TSNARE1: variants seen among roughly 807,000 people sequenced by gnomAD.
TSNARE1 encodes t-SNARE domain-containing protein 1.
Under a neutral mutation model 62.0 loss-of-function variants are expected in TSNARE1, and 49 were observed. The observed-to-expected ratio is 0.79, with a 90% CI of 0.63 to 1.00. The LOEUF is 1.00. Among genes scored for constraint, TSNARE1 ranks in the 50% least tolerant of loss-of-function variants. The pLI is 0.00. For synonymous variants in TSNARE1, 328 were observed against 294.4 expected, an observed-to-expected ratio of 1.11 and a Z score of -1.17; for missense variants, 755 against 700.1, an observed-to-expected ratio of 1.08 and a Z score of -0.88.
chr8:142,223,439 CTAAT>C (rs1333138731), intron 13 of TSNARE1, among the ~76,000 whole-genome samples: 16 of 20,720 alleles, frequency 7.7e-4, no homozygotes, highest in African/African-American at 1.9e-3. Context: ...CACTCACTCA[CTAAT>C]TCACTCATTC....
At chr8:142,255,760 A>ACTG (rs1818448189) in intron 12 of TSNARE1, among the ~76,000 whole-genome samples, 1 of 93,600 alleles carries the variant, frequency 1.1e-5, no homozygotes. Flanking sequence ...CACCACCACC[A>ACTG]TCACCATCAC....
At chr8:142,288,484 G>A (rs546901819) in intron 10 of TSNARE1, among the ~76,000 whole-genome samples, 4 of 152,340 alleles carry the variant, frequency 2.6e-5, no homozygotes, top group African/African-American at 4.8e-5. Flanking sequence ...TCTCATCGCC[G>A]ACACTCACTA....
At chr8:142,320,814 C>T (rs1175908774) in intron 6 of TSNARE1, among the ~76,000 whole-genome samples, 2 of 152,360 alleles carry the variant, frequency 1.3e-5, no homozygotes, top group African/African-American at 2.4e-5. Context: ...CTTTTCTCTG[C>T]TCCGCGCTGA....
intron 6 of TSNARE1, among the ~76,000 whole-genome samples, chr8:142,325,157 C>T (rs1208240640): frequency 2.6e-5 from 4 of 152,182 alleles, no homozygotes; most frequent in Admixed American, 2.0e-4. Context: ...CTGGACTGAG[C>T]GGGCCTGGAA....
At chr8:142,220,513 G>T (rs1259248581) in intron 13 of TSNARE1, among the ~76,000 whole-genome samples, 1 of 152,100 alleles carries the variant, frequency 6.6e-6, no homozygotes, top group Non-Finnish European at 1.5e-5. Context: ...CACCCTGAGG[G>T]CAGGGTCAGG....
chr8:142,357,796 TC>T (rs1412286806), intron 1 of TSNARE1, among the ~76,000 whole-genome samples: 1 of 151,796 alleles, frequency 6.6e-6, no homozygotes, highest in Non-Finnish European at 1.5e-5. Flanking sequence ...GGAAGAGAAC[TC>T]CCAGGGAGAG....
chr8:142,266,734 T>C (rs1023510203), intron 12 of TSNARE1, among the ~76,000 whole-genome samples: 2 of 152,202 alleles, frequency 1.3e-5, no homozygotes, highest in East Asian at 3.8e-4. Context: ...GTCTGTGGAA[T>C]CACACATCAC....
At chr8:142,299,574 G>A (rs927124439) in intron 10 of TSNARE1, among the ~76,000 whole-genome samples, 3 of 152,242 alleles carry the variant, frequency 2.0e-5, no homozygotes, top group Non-Finnish European at 2.9e-5. Flanking sequence ...GTACACTCAG[G>A]CATCAAGAGA....
At chr8:142,283,160 T>C (rs13275517) in intron 11 of TSNARE1, among the ~76,000 whole-genome samples, 71,355 of 122,310 alleles carry the variant, frequency 0.58, 18,979 homozygotes, top group African/African-American at 0.72. Flanking sequence ...TGAGCAGAGG[T>C]GGGGCCAGTG....
chr8:142,332,912 G>A (rs918206567), intron 4 of TSNARE1, among the ~76,000 whole-genome samples: 5 of 152,214 alleles, frequency 3.3e-5, no homozygotes, highest in South Asian at 2.1e-4. Flanking sequence ...GCCCACACCC[G>A]GAGAGAGGGC....
At chr8:142,394,151 C>T (rs905621387) in intron 1 of TSNARE1, among the ~76,000 whole-genome samples, 4 of 152,246 alleles carry the variant, frequency 2.6e-5, no homozygotes, top group African/African-American at 7.2e-5. Flanking sequence ...GTGGGCCCCA[C>T]GCTTATGCCT....
At chr8:142,366,820 G>A (rs912201630) in intron 1 of TSNARE1, among the ~76,000 whole-genome samples, 6 of 152,068 alleles carry the variant, frequency 3.9e-5, no homozygotes, top group Non-Finnish European at 7.4e-5. Flanking sequence ...AACAAAAAAA[G>A]AAATGAAACA....
chr8:142,294,534 T>C (rs562779010), intron 10 of TSNARE1, among the ~76,000 whole-genome samples: 250 of 152,292 alleles, frequency 1.6e-3, no homozygotes, highest in African/African-American at 5.8e-3. Context: ...GGCCCTGCTG[T>C]GTGGCCGTGG....
chr8:142,280,706 C>T lies in TSNARE1; in HGVS notation c.1363+3707G>A, dbSNP rs142115797. Among the ~76,000 whole-genome samples the T allele has an allele frequency of 7.6e-3, 1,153 of 152,274 alleles. 13 individuals carry two copies. The highest frequency in any genetic ancestry group is 0.026 in the African/African-American group (1,092 of 41,552). On this transcript the variant is annotated intron_variant, in intron 11 of 13. Coordinates refer to ENST00000524325, the MANE Select transcript of TSNARE1 (RefSeq NM_145003.5). ...GGGTGGGCACCTGAAGTGGACAAAG[C>T]GCTCCACAGACTCAGCACATCCCAG...
intron 11 of TSNARE1, among the ~76,000 whole-genome samples, chr8:142,279,627 G>A (rs1821079029): frequency 6.6e-6 from 1 of 152,204 alleles, no homozygotes. Flanking sequence ...TGGAACCGCA[G>A]CCCTTCCACT....
At chr8:142,222,504 C>CATT (rs1563755274) in intron 13 of TSNARE1, among the ~76,000 whole-genome samples, 1 of 34,864 alleles carries the variant, frequency 2.9e-5, no homozygotes, top group Admixed American at 2.8e-4. Flanking sequence ...ACTCACTCAT[C>CATT]CACTCACTCA....
In TSNARE1 at chr8:142,215,764, G is replaced by A. The variant is rs1241907478; in HGVS notation, c.*12-3451C>T. ...CCAGCTGGCAGTGGCAGCCCCATGT[G>A]GGCACCTTTGCTGAGGCTGCCAGCT... On this transcript the variant is annotated intron_variant, in intron 13 of 13. Coordinates refer to ENST00000524325, the MANE Select transcript of TSNARE1 (RefSeq NM_145003.5). Among the ~76,000 whole-genome samples the A allele has an allele frequency of 2.6e-5, 4 of 152,166 alleles. No homozygotes were observed. The East Asian group carries it at 5.8e-4, about 22-fold the overall frequency.
intron 4 of TSNARE1, among the ~76,000 whole-genome samples, chr8:142,342,832 G>A (rs1433738731): frequency 2.1e-5 from 3 of 141,774 alleles, no homozygotes; most frequent in Non-Finnish European, 4.5e-5. Context: ...GCAACTGTCC[G>A]GACACCTGTT....
Position 142,344,422 on chromosome 8 carries a change from G to A in TSNARE1, c.289C>T (p.Pro97Ser). Reference protein sequence around the residue: ...GSRMPEPTSSPTIGPRKDSAA... With the variant: ...GSRMPEPTSSSTIGPRKDSAA... ...GAGTCCTTCCTCGGGCCAATGGTGG[G>A]TGATGAGGTGGGCTCCGGCATCCGG... The change falls in exon 4 of 14, where the codon CCC (proline) becomes TCC (serine). Residue 97 changes from proline to serine, a missense_variant. By Grantham distance (74) the Pro-to-Ser change is moderately conservative (BLOSUM62 -1). Transcript: ENST00000524325. 2 of 1,588,112 alleles carry A rather than the reference G, an allele frequency of 1.3e-6. No individual in the cohort carries two copies. The highest frequency in any genetic ancestry group is 1.3e-5 in the African/African-American group (1 of 74,306).
Sources: allele counts gnomAD v4.1 joint callset (sites outside exome capture counted in the v4.1 genomes callset), GRCh38; gene constraint gnomAD v4.1.1; transcripts MANE v1.5; gene names NCBI Gene and HGNC (gene_info 2026-07-23, HGNC 2026-07-21).